AGAP1: variants seen among roughly 807,000 people sequenced by gnomAD.
The protein encoded by AGAP1 is ArfGAP with GTPase domain, ankyrin repeat and PH domain 1.
A neutral mutation model predicts 105.3 loss-of-function variants in AGAP1; 29 were observed. The observed-to-expected ratio is 0.28, with a 90% CI of 0.21 to 0.38. The LOEUF is 0.38. AGAP1 is among the 10% of genes least tolerant of loss of function. The probability of loss-of-function intolerance (pLI) is 1.00; values close to 1 mark genes in which losing one functional copy is unlikely to be tolerated. For synonymous variants in AGAP1, 509 were observed against 485.9 expected, an observed-to-expected ratio of 1.05 and a Z score of -0.63; for missense variants, 998 against 1,165.1, an observed-to-expected ratio of 0.86 and a Z score of 2.09.
Position 235,787,422 on chromosome 2 carries a change from T to C in AGAP1, c.674-10337T>C, listed in dbSNP as rs542063641. On this transcript the variant is annotated intron_variant, in intron 6 of 17. Transcript: ENST00000304032. The surrounding 1 kb of genome is among the most constrained non-coding windows in gnomAD (Gnocchi z 4.4). ...GATTATTCCTTCTTTGTCTGCATCA[T>C]AGACACACGCCTCTCTTTATAGCAC... Among the ~76,000 whole-genome samples, 3 of 152,360 alleles carry C rather than the reference T, an allele frequency of 2.0e-5. No homozygotes were observed. The highest frequency in any genetic ancestry group is 2.1e-4 in the South Asian group (1 of 4,834).
chr2:236,100,352 A>G (rs1316107756), intron 16 of AGAP1, among the ~76,000 whole-genome samples: 1 of 152,182 alleles, frequency 6.6e-6, no homozygotes, highest in African/African-American at 2.4e-5. Context: ...GGTGATTTTA[A>G]TGAAAGAATT....
rs774613808 is a variant in AGAP1, at chr2:235,930,421, C to T, written c.1325-344C>T. Among the ~76,000 whole-genome samples the T allele has an allele frequency of 2.0e-5, 3 of 152,156 alleles. No homozygotes were observed. The highest frequency in any genetic ancestry group is 4.4e-5 in the Non-Finnish European group (3 of 68,040). On this transcript the variant is annotated intron_variant, in intron 11 of 17. Coordinates refer to ENST00000304032, the MANE Select transcript of AGAP1 (RefSeq NM_001037131.3). This position sits in a 1 kb window ranked among gnomAD's most constrained non-coding sequence, Gnocchi z 7.9. ...CCCCCATCTTGCCGGCCTGCCGGAT[C>T]GCGGTGTCTCTGCTAAGACTCGCTG...
chr2:235,862,564 G>A (rs1269565786), intron 9 of AGAP1, among the ~76,000 whole-genome samples: 2 of 152,218 alleles, frequency 1.3e-5, no homozygotes, highest in Non-Finnish European at 2.9e-5. Context: ...ATGGGGTAGG[G>A]CAGTGCAAAC....
At chr2:235,547,850 A>G (rs564136935) in intron 1 of AGAP1, among the ~76,000 whole-genome samples, 13 of 152,162 alleles carry the variant, frequency 8.5e-5, no homozygotes, top group Non-Finnish European at 1.5e-4. Flanking sequence ...TGAGAAGCTG[A>G]ATTTGCAAAT....
At position 235,596,475 on chromosome 2, in the gene AGAP1, G is replaced by A. The variant is rs1356410475; in HGVS notation, c.163+101626G>A. Among the ~76,000 whole-genome samples the A allele has an allele frequency of 6.6e-6, 1 of 152,184 alleles. No individual in the cohort carries two copies. The highest frequency in any genetic ancestry group is 2.4e-5 in the African/African-American group (1 of 41,452). ...TTACCTGCAGATTTGGATTCAGCAA[G>A]GCAAGGTGGACCTGAGAGTCTGTGT... On this transcript the variant is annotated intron_variant, in intron 1 of 17. Transcript: ENST00000304032. The surrounding 1 kb of genome is among the most constrained non-coding windows in gnomAD (Gnocchi z 5.9).
intron 1 of AGAP1, among the ~76,000 whole-genome samples, chr2:235,682,737 A>G (rs949467570): frequency 6.6e-6 from 1 of 152,016 alleles, no homozygotes; most frequent in African/African-American, 2.4e-5. Flanking sequence ...ACTAGGACTG[A>G]CAATGGCATT....
intron 13 of AGAP1, among the ~76,000 whole-genome samples, chr2:236,010,400 C>T (rs965557998): frequency 5.3e-5 from 8 of 152,300 alleles, no homozygotes; most frequent in South Asian, 2.1e-4. Flanking sequence ...TGCCAGGCCT[C>T]GTTTGGTCAT....
chr2:235,810,012 A>G (rs1233811332), intron 9 of AGAP1, among the ~76,000 whole-genome samples: 6 of 152,172 alleles, frequency 3.9e-5, no homozygotes, highest in Non-Finnish European at 8.8e-5. Flanking sequence ...AGTAGGTCCA[A>G]GGATTCGGAC....
chr2:236,076,780 GC>G lies in AGAP1; in HGVS notation c.2114+27500del, dbSNP rs1189407797. Among the ~76,000 whole-genome samples, 1 of 152,026 alleles carries G rather than the reference GC, an allele frequency of 6.6e-6. No individual in the cohort carries two copies. The highest frequency in any genetic ancestry group is 1.5e-5 in the Non-Finnish European group (1 of 68,022). On this transcript the variant is annotated intron_variant, in intron 16 of 17. Coordinates refer to ENST00000304032, the MANE Select transcript of AGAP1 (RefSeq NM_001037131.3). The surrounding 1 kb of genome is among the most constrained non-coding windows in gnomAD (Gnocchi z 4.4). The stretch of plus-strand genomic sequence containing the variant: ...AGAGAAATGCCTCCAGTGAGCCAGG[GC>G]TACATTTTGGGAAGTGACTGTATCC...
chr2:235,861,984 C>T (rs948865615), intron 9 of AGAP1, among the ~76,000 whole-genome samples: 5 of 152,204 alleles, frequency 3.3e-5, no homozygotes, highest in Non-Finnish European at 7.3e-5. Flanking sequence ...GTGTCCTGGG[C>T]ACCTTTGCTT....
At chr2:235,894,967 T>C (rs886227856) in intron 10 of AGAP1, among the ~76,000 whole-genome samples, 1 of 152,232 alleles carries the variant, frequency 6.6e-6, no homozygotes, top group Non-Finnish European at 1.5e-5. Flanking sequence ...ATGCAGTGAT[T>C]GCTTGGTAGC....
chr2:236,097,728 T>C (rs1337501149), intron 16 of AGAP1, among the ~76,000 whole-genome samples: 1 of 152,128 alleles, frequency 6.6e-6, no homozygotes, highest in Non-Finnish European at 1.5e-5. Flanking sequence ...TGGTGCTCAG[T>C]ACATTGACAT....
chr2:235,743,117 A>G (rs936149749), intron 4 of AGAP1, among the ~76,000 whole-genome samples: 9 of 152,236 alleles, frequency 5.9e-5, no homozygotes, highest in African/African-American at 1.9e-4. Flanking sequence ...CAGTGAGCTG[A>G]GATCTCACCA....
rs533855968 is a variant in AGAP1 at position 235,663,763 on chromosome 2, A to G, written c.164-45416A>G. On this transcript the variant is annotated intron_variant, in intron 1 of 17. Coordinates refer to ENST00000304032, the MANE Select transcript of AGAP1 (RefSeq NM_001037131.3). This position sits in a 1 kb window ranked among gnomAD's most constrained non-coding sequence, Gnocchi z 5.4. ...CCAGGAAGCTCTTAGGAGAATCCAA[A>G]TCCGACTTCCCTGTGCTTTGAGAAG... Among the ~76,000 whole-genome samples the G allele has an allele frequency of 6.6e-6, 1 of 152,266 alleles. No homozygotes were observed. Among genetic ancestry groups the G allele is most frequent in the Admixed American group, 6.5e-5 (1 of 15,274 alleles).
intron 1 of AGAP1, among the ~76,000 whole-genome samples, chr2:235,528,370 T>G (rs941409880): frequency 7.6e-5 from 3 of 39,416 alleles, no homozygotes; most frequent in East Asian, 1.3e-3. Context: ...CCCCGCCCCC[T>G]CCCCTCCCAC....
intron 13 of AGAP1, among the ~76,000 whole-genome samples, chr2:236,015,159 CTCTTTTTTCTTT>C (rs1325210598): frequency 6.6e-6 from 1 of 152,140 alleles, no homozygotes; most frequent in Non-Finnish European, 1.5e-5. Flanking sequence ...CTATTTTCTC[CTCTTTTTTCTTT>C]TCCTTTATAC....
Position 235,871,702 on chromosome 2 carries a change from T to C in AGAP1, c.1051-11643T>C, listed in dbSNP as rs77663783. Among the ~76,000 whole-genome samples, 630 of 152,310 alleles carry C rather than the reference T, an allele frequency of 4.1e-3. 11 individuals are homozygous for C. Among genetic ancestry groups the C allele is most frequent in the African/African-American group, 0.014 (599 of 41,570 alleles). On this transcript the variant is annotated intron_variant, in intron 9 of 17. Coordinates refer to ENST00000304032, the MANE Select transcript of AGAP1 (RefSeq NM_001037131.3). ...TTAAGAAAATGATCATTTGACTGTT[T>C]CTTATAACACTGTGGCTGAGACCTG...
rs1197510461 is a variant in AGAP1 at position 235,562,262 on chromosome 2, CAT to C, written c.163+67416_163+67417del. On this transcript the variant is annotated intron_variant, in intron 1 of 17. Transcript: ENST00000304032. ...GATAAGCAGTGTAGTCAAATCATAA[CAT>C]ATTATGACTGCAATCAAGTGATTAT... Among the ~76,000 whole-genome samples, 3 of 151,952 alleles carry C rather than the reference CAT, an allele frequency of 2.0e-5. No individual in the cohort carries two copies. The East Asian group carries it at 5.8e-4, about 29-fold the overall frequency.
At chr2:235,680,242 G>A (rs777275037) in intron 1 of AGAP1, among the ~76,000 whole-genome samples, 21 of 152,188 alleles carry the variant, frequency 1.4e-4, no homozygotes, top group Admixed American at 6.5e-5. Flanking sequence ...TGCTTTGTCC[G>A]TGGAAATGAG....
Sources: allele counts gnomAD v4.1 joint callset (sites outside exome capture counted in the v4.1 genomes callset), GRCh38; gene constraint gnomAD v4.1.1; non-coding constraint Gnocchi (gnomAD v3.1); transcripts MANE v1.5; gene names NCBI Gene and HGNC (gene_info 2026-07-23, HGNC 2026-07-21).